Variants in FAF1 observed in about 807,000 individuals in gnomAD.
FAF1 encodes the protein Fas associated factor 1.
A neutral mutation model predicts 92.5 loss-of-function variants in FAF1; 25 were observed. The observed-to-expected ratio is 0.27, with a 90% CI of 0.20 to 0.38. The LOEUF is 0.38. FAF1 is among the 10% of genes least tolerant of loss of function. The pLI, the probability that FAF1 is intolerant of heterozygous loss-of-function variation, is 1.00. For synonymous variants in FAF1, 234 were observed against 273.2 expected, an observed-to-expected ratio of 0.86 and a Z score of 1.42; for missense variants, 636 against 793.3, an observed-to-expected ratio of 0.80 and a Z score of 2.38.
Position 50,685,380 on chromosome 1 carries a change from C to T in FAF1, c.657+20406G>A, listed in dbSNP as rs540429131. Among the ~76,000 whole-genome samples, 4 of 152,092 alleles carry T rather than the reference C, an allele frequency of 2.6e-5. No individual in the cohort carries two copies. In the South Asian group the frequency reaches 6.2e-4, roughly 24 times the overall value. ...ATGCTAACTTTACTGATAAAGAGTC[C>T]GTGTAGCGAGATAGAAGGAGGGTGA... is the stretch of plus-strand genomic sequence containing the variant. On this transcript the variant is annotated intron_variant, in intron 7 of 18. Coordinates refer to ENST00000396153, the MANE Select transcript of FAF1 (RefSeq NM_007051.3).
intron 7 of FAF1, among the ~76,000 whole-genome samples, chr1:50,703,397 T>C (rs1215702940): frequency 6.6e-6 from 1 of 152,030 alleles, no homozygotes; most frequent in East Asian, 1.9e-4. Context: ...CCATCACAGG[T>C]GTTGCACAAG....
intron 8 of FAF1, among the ~76,000 whole-genome samples, chr1:50,646,376 T>G (rs1654586496): frequency 6.6e-6 from 1 of 152,228 alleles, no homozygotes; most frequent in Non-Finnish European, 1.5e-5. Context: ...TAGAAATAAA[T>G]GATTCTCAAA....
intron 7 of FAF1, among the ~76,000 whole-genome samples, chr1:50,665,739 C>T (rs899057638): frequency 6.6e-6 from 1 of 152,086 alleles, no homozygotes. Flanking sequence ...ATTTGCTGAC[C>T]CCTAATATGG....
intron 8 of FAF1, among the ~76,000 whole-genome samples, chr1:50,600,947 T>G (rs1652091352): frequency 6.6e-6 from 1 of 152,234 alleles, no homozygotes; most frequent in Non-Finnish European, 1.5e-5. Flanking sequence ...TCAATGAATA[T>G]AATCCACATA....
At chr1:50,546,730 C>T (rs1649037250) in intron 13 of FAF1, among the ~76,000 whole-genome samples, 2 of 152,034 alleles carry the variant, frequency 1.3e-5, no homozygotes, top group African/African-American at 4.8e-5. Flanking sequence ...TGGGGAGGGT[C>T]ACATAGATAT....
At position 50,439,872 on chromosome 1, in the gene FAF1, C is replaced by T. The variant is rs1002156315; in HGVS notation, c.*1568G>A. On this transcript the variant is annotated 3_prime_UTR_variant, in exon 19 of 19. Transcript: ENST00000396153. ...TCTCTCAGCCTCCCTAGAGAGACCC[C>T]TGCTGCCAGAGAAAGCCCATACCTA... The T allele has an allele frequency of 2.0e-5, 3 of 152,208 alleles. No individual in the cohort carries two copies. Among genetic ancestry groups the T allele is most frequent in the African/African-American group, 7.2e-5 (3 of 41,438 alleles). 9.4% of individuals were successfully genotyped at this position (152,208 alleles called of 1,614,324 possible). A position where few individuals can be genotyped will look rare whatever the true frequency, so the allele number is the denominator to read the frequency against.
intron 6 of FAF1, among the ~76,000 whole-genome samples, chr1:50,728,059 G>A (rs964837549): frequency 1.3e-5 from 2 of 152,118 alleles, no homozygotes; most frequent in Non-Finnish European, 2.9e-5. Context: ...AAACTCCCTT[G>A]CGTATATACA....
At chr1:50,846,246 A>AT in intron 2 of FAF1, among the ~76,000 whole-genome samples, 1 of 144,148 alleles carries the variant, frequency 6.9e-6, no homozygotes, top group Middle Eastern at 3.6e-3. Context: ...CAATGCATAC[A>AT]AAAAAAAAAA....
At chr1:50,540,165 G>A (rs944447048) in intron 13 of FAF1, among the ~76,000 whole-genome samples, 1 of 151,878 alleles carries the variant, frequency 6.6e-6, no homozygotes, top group South Asian at 2.1e-4. Context: ...GTAGAGACAG[G>A]GTTTGACCAT....
chr1:50,896,402 G>A (rs1032235963), intron 1 of FAF1, among the ~76,000 whole-genome samples: 1 of 152,048 alleles, frequency 6.6e-6, no homozygotes, highest in Non-Finnish European at 1.5e-5. Flanking sequence ...TATCTCATGT[G>A]CCCCATAAAT....
At chr1:50,521,182 C>T (rs1042160659) in intron 15 of FAF1, among the ~76,000 whole-genome samples, 2 of 152,052 alleles carry the variant, frequency 1.3e-5, no homozygotes, top group East Asian at 3.8e-4. Flanking sequence ...GGTGAGAACT[C>T]ACACTATTTT....
chr1:50,472,812 T>G (rs182184325), intron 18 of FAF1, among the ~76,000 whole-genome samples: 2 of 152,356 alleles, frequency 1.3e-5, no homozygotes, highest in African/African-American at 4.8e-5. Context: ...CTTTTACAAA[T>G]TAGATCCTAA....
intron 1 of FAF1, among the ~76,000 whole-genome samples, chr1:50,876,103 A>T (rs1023281655): frequency 6.6e-6 from 1 of 152,234 alleles, no homozygotes; most frequent in Non-Finnish European, 1.5e-5. Context: ...GACTAAAAAG[A>T]GACAGTAAAT....
rs1213567555 is a variant in FAF1, at chr1:50,636,379, C to CTTT, written c.744+19060_744+19062dup. Among the ~76,000 whole-genome samples, 547 of 79,894 alleles carry CTTT rather than the reference C, an allele frequency of 6.8e-3. 18 individuals carry two copies. The highest frequency in any genetic ancestry group is 0.018 in the African/African-American group (327 of 17,750). The allele number at this position is 79,894 out of a possible 152,430, so 52.4% of individuals were successfully genotyped here. On this transcript the variant is annotated intron_variant, in intron 8 of 18. Transcript: ENST00000396153. ...ATTTTCTCTTAGTTTGGGGCGTGTC[C>CTTT]TTTTTTTTTTTTTTTTTTTTTTTTT...
At chr1:50,667,753 T>C (rs1379541022) in intron 7 of FAF1, among the ~76,000 whole-genome samples, 1 of 152,228 alleles carries the variant, frequency 6.6e-6, no homozygotes, top group Non-Finnish European at 1.5e-5. Context: ...TAATCCATTT[T>C]CCTTTTCTTC....
chr1:50,699,757 A>G (rs1657386500), intron 7 of FAF1, among the ~76,000 whole-genome samples: 1 of 152,146 alleles, frequency 6.6e-6, no homozygotes, highest in Admixed American at 6.6e-5. Context: ...TTTCCTTTGA[A>G]TTTTAAACTG....
At chr1:50,943,624 C>A (rs533969283) in intron 1 of FAF1, among the ~76,000 whole-genome samples, 1 of 152,170 alleles carries the variant, frequency 6.6e-6, no homozygotes, top group South Asian at 2.1e-4. Flanking sequence ...AATGACTCCC[C>A]TTATAAAGAT....
chr1:50,590,982 C>CAAA (rs549834705), intron 9 of FAF1, among the ~76,000 whole-genome samples: 3 of 113,436 alleles, frequency 2.6e-5, no homozygotes, highest in Non-Finnish European at 5.6e-5. Context: ...ACTCTGTCTC[C>CAAA]AAAAAAAAAA....
chr1:50,661,628 C>T (rs901412175), intron 7 of FAF1, among the ~76,000 whole-genome samples: 6 of 152,118 alleles, frequency 3.9e-5, no homozygotes, highest in Admixed American at 1.3e-4. Flanking sequence ...CCCAGTGCAT[C>T]GCATTATCAG....
Sources: gnomAD v4.1 joint callset for allele counts (sites outside exome capture counted in the v4.1 genomes callset) on GRCh38, gnomAD v4.1.1 for gene constraint, MANE v1.5 for transcripts, NCBI Gene and HGNC (gene_info 2026-07-23, HGNC 2026-07-21) for gene names.